Variants in CDH13 observed in about 807,000 individuals in gnomAD.
CDH13 encodes the protein cadherin-13.
CDH13 carries 24 observed loss-of-function variants against 63.8 expected under a neutral mutation model. The observed-to-expected ratio is 0.38, with a 90% CI of 0.27 to 0.53. CDH13 has a LOEUF of 0.53. Ranked by LOEUF, CDH13 falls within the 20% of genes least tolerant of loss-of-function variation. CDH13 has a pLI of 0.85. For synonymous variants in CDH13, 503 were observed against 355.3 expected (o/e 1.42, Z -4.67); for missense variants, 1,049 against 903.1 (o/e 1.16, Z -2.07).
At chr16:83,369,330 C>T (rs1213852163) in intron 6 of CDH13, among the ~76,000 whole-genome samples, 2 of 151,998 alleles carry the variant, frequency 1.3e-5, no homozygotes, top group Admixed American at 6.6e-5. Flanking sequence ...CTGAACACAC[C>T]ATCTCTCATC....
chr16:83,578,300 T>C (rs1263025034), intron 7 of CDH13, among the ~76,000 whole-genome samples: 1 of 152,188 alleles, frequency 6.6e-6, no homozygotes, highest in Non-Finnish European at 1.5e-5. Context: ...GCTACTTTTC[T>C]GGATGGGAAA....
chr16:83,718,071 A>T (rs1165182612), intron 10 of CDH13, among the ~76,000 whole-genome samples: 1 of 152,224 alleles, frequency 6.6e-6, no homozygotes, highest in Admixed American at 6.5e-5. Flanking sequence ...ATTGCCCCCG[A>T]AGCAGATGCT....
chr16:83,326,731 A>G (rs2090371274), intron 5 of CDH13, among the ~76,000 whole-genome samples: 1 of 152,166 alleles, frequency 6.6e-6, no homozygotes, highest in African/African-American at 2.4e-5. Context: ...AGTCACTAAG[A>G]CACTTTAATT....
chr16:83,492,601 A>C (rs1414218990), intron 7 of CDH13, among the ~76,000 whole-genome samples: 1 of 152,220 alleles, frequency 6.6e-6, no homozygotes, highest in Non-Finnish European at 1.5e-5. Flanking sequence ...AATGAAACAC[A>C]GCTAACCACC....
chr16:83,714,211 C>T (rs963931234), intron 10 of CDH13, among the ~76,000 whole-genome samples: 9 of 152,318 alleles, frequency 5.9e-5, no homozygotes, highest in Admixed American at 2.0e-4. Flanking sequence ...CTTTAGACCC[C>T]TTCTATAGTT....
At chr16:83,424,456 A>G (rs1406953459) in intron 6 of CDH13, among the ~76,000 whole-genome samples, 1 of 152,208 alleles carries the variant, frequency 6.6e-6, no homozygotes, top group Non-Finnish European at 1.5e-5. Flanking sequence ...GGATTTATGA[A>G]GGCCTTGCCA....
At chr16:83,254,399 T>A (rs1905959006) in intron 5 of CDH13, among the ~76,000 whole-genome samples, 1 of 152,144 alleles carries the variant, frequency 6.6e-6, no homozygotes, top group Non-Finnish European at 1.5e-5. Flanking sequence ...TTTGAGAAAG[T>A]TTCAGGTGTT....
At chr16:83,691,431 C>T (rs1904870811) in intron 10 of CDH13, among the ~76,000 whole-genome samples, 1 of 152,054 alleles carries the variant, frequency 6.6e-6, no homozygotes, top group Non-Finnish European at 1.5e-5. Flanking sequence ...GTGGCCAAGC[C>T]CTGGGACACT....
At chr16:83,043,805 C>G (rs1008521670) in intron 3 of CDH13, among the ~76,000 whole-genome samples, 3 of 147,974 alleles carry the variant, frequency 2.0e-5, no homozygotes, top group African/African-American at 7.6e-5. Flanking sequence ...CTAGTCTGGG[C>G]AACGGAGCAA....
chr16:83,027,717 C>T (rs1044597880), intron 2 of CDH13, among the ~76,000 whole-genome samples: 10 of 152,150 alleles, frequency 6.6e-5, no homozygotes, highest in African/African-American at 1.9e-4. Context: ...CCCAGTACCC[C>T]ACATTGCCTG....
intron 6 of CDH13, among the ~76,000 whole-genome samples, chr16:83,460,528 T>A (rs1216776170): frequency 1.3e-5 from 2 of 152,142 alleles, no homozygotes; most frequent in Non-Finnish European, 2.9e-5. Context: ...TCTGATGAAC[T>A]GCAGCAAGGA....
intron 6 of CDH13, among the ~76,000 whole-genome samples, chr16:83,410,883 C>T (rs1453109004): frequency 6.6e-6 from 1 of 152,172 alleles, no homozygotes; most frequent in Non-Finnish European, 1.5e-5. Flanking sequence ...CAATAAGCTC[C>T]AGGTATTGAA....
chr16:82,896,794 TTTTTGAGACGGAGTCTCAC>T, intron 2 of CDH13, among the ~76,000 whole-genome samples: 1 of 142,084 alleles, frequency 7.0e-6, no homozygotes, highest in Admixed American at 7.0e-5. Flanking sequence ...TTTTTTTTTT[TTTTTGAGACGGAGTCTCAC>T]TTTGTCACCC....
intron 5 of CDH13, among the ~76,000 whole-genome samples, chr16:83,239,285 A>T (rs1327170456): frequency 6.6e-6 from 1 of 152,224 alleles, no homozygotes; most frequent in Non-Finnish European, 1.5e-5. Flanking sequence ...GATGAATGGG[A>T]GGAGGAAATG....
chr16:83,365,621 C>T (rs1401795572), intron 6 of CDH13, among the ~76,000 whole-genome samples: 1 of 152,092 alleles, frequency 6.6e-6, no homozygotes, highest in South Asian at 2.1e-4. Flanking sequence ...AATCAGCTGA[C>T]CTTAAAACAA....
chr16:82,751,956 T>A (rs1390155590), intron 1 of CDH13, among the ~76,000 whole-genome samples: 1 of 152,194 alleles, frequency 6.6e-6, no homozygotes, highest in Non-Finnish European at 1.5e-5. Flanking sequence ...GTTGTATCTG[T>A]CTTCCAGAAA....
chr16:83,549,075 C>T (rs1043125467), intron 7 of CDH13, among the ~76,000 whole-genome samples: 1 of 152,256 alleles, frequency 6.6e-6, no homozygotes, highest in East Asian at 1.9e-4. Context: ...TCTGAAAGCT[C>T]AGAGGAGCAG....
At chr16:82,905,357 T>A (rs1339900104) in intron 2 of CDH13, among the ~76,000 whole-genome samples, 2 of 152,118 alleles carry the variant, frequency 1.3e-5, no homozygotes, top group South Asian at 4.1e-4. Context: ...ATATATCTGA[T>A]AGTCGTTTTT....
intron 2 of CDH13, among the ~76,000 whole-genome samples, chr16:82,936,214 C>T (rs891779568): frequency 2.6e-5 from 4 of 152,174 alleles, no homozygotes; most frequent in African/African-American, 9.7e-5. Flanking sequence ...TTGTCTATGT[C>T]TGCAGCTCAA....
Sources: gnomAD v4.1 joint callset for allele counts (sites outside exome capture counted in the v4.1 genomes callset) on GRCh38, gnomAD v4.1.1 for gene constraint, MANE v1.5 for transcripts, NCBI Gene and HGNC (gene_info 2026-07-23, HGNC 2026-07-21) for gene names.